The following ZNF678 variants were observed in gnomAD, a reference collection of about 807,000 sequenced individuals.
The protein encoded by ZNF678 is zinc finger protein 678.
A neutral mutation model predicts 3.0 loss-of-function variants in ZNF678; 5 were observed. That is an observed-to-expected ratio of 1.69 (90% confidence interval 0.88 to 3.56). ZNF678 has a LOEUF of 3.56. Among genes scored for constraint, ZNF678 ranks in the 30% most tolerant of loss-of-function variants. ZNF678 has a pLI of 0.00. For synonymous variants in ZNF678, 218 were observed against 199.6 expected (o/e 1.09, Z -0.78); for missense variants, 593 against 605.0 (o/e 0.98, Z 0.21).
chr1:227,608,390 C>A (rs1251461606), intron 1 of ZNF678, among the ~76,000 whole-genome samples: 1 of 151,852 alleles, frequency 6.6e-6, no homozygotes, highest in African/African-American at 2.4e-5. Flanking sequence ...GGGTCATATT[C>A]AGTAAAGTAG....
Position 227,613,805 on chromosome 1 carries a change from G to C in ZNF678, c.-163-32739G>C, listed in dbSNP as rs149921186. Among the ~76,000 whole-genome samples, 929 of 152,252 alleles carry C rather than the reference G, an allele frequency of 6.1e-3. 8 individuals carry two copies. The highest frequency in any genetic ancestry group is 0.012 in the South Asian group (58 of 4,828). Reference sequence around the variant, plus strand: ...GTTGGAGTCCTCTACTGTGTGTCCTGTGTGTTTACTGTGTACCTTGCCTGC... The same window carrying C: ...GTTGGAGTCCTCTACTGTGTGTCCTCTGTGTTTACTGTGTACCTTGCCTGC... On this transcript the variant is annotated intron_variant, in intron 1 of 3. Transcript: ENST00000343776.
chr1:227,674,885 G>A (rs150948982), intron 5 of ZNF678, among the ~76,000 whole-genome samples: 7 of 152,036 alleles, frequency 4.6e-5, no homozygotes, highest in Admixed American at 2.0e-4. Context: ...GCCACTGCAC[G>A]CAGCCTATTT....
intron 1 of ZNF678, among the ~76,000 whole-genome samples, chr1:227,568,753 T>C (rs1014255462): frequency 6.6e-6 from 1 of 152,058 alleles, no homozygotes; most frequent in Admixed American, 6.6e-5. Context: ...GCCTTTGAAG[T>C]GTGGGCAGTG....
intron 1 of ZNF678, among the ~76,000 whole-genome samples, chr1:227,604,032 A>G (rs528079453): frequency 6.6e-6 from 1 of 152,332 alleles, no homozygotes; most frequent in South Asian, 2.1e-4. Flanking sequence ...TGATGGCCAA[A>G]TAGGATTCCA....
chr1:227,656,459 CAAAT>C lies in ZNF678; in HGVS notation c.*634_*637del, dbSNP rs1412990165. On this transcript the variant is annotated 3_prime_UTR_variant, in exon 4 of 4. Transcript: ENST00000343776. The stretch of plus-strand genomic sequence containing the variant: ...TTTAATATTGATATAATTCATATCT[CAAAT>C]AACTTGATTTTTATTATATTTATTG... 6.6e-6 allele frequency: 1 copy of C among 151,544 alleles called. No individual in the cohort carries two copies. Among genetic ancestry groups the C allele is most frequent in the Non-Finnish European group, 1.5e-5 (1 of 67,730 alleles). 9.4% of individuals were successfully genotyped at this position (151,544 alleles called of 1,614,324 possible). A position where few individuals can be genotyped will look rare whatever the true frequency, so the allele number is the denominator to read the frequency against.
rs142439512 is a variant in ZNF678, at chr1:227,655,553, T to G, written c.1303T>G (p.Cys435Gly). The G allele has an allele frequency of 3.8e-4, 617 of 1,612,582 alleles. 3 individuals are homozygous for G. In the African/African-American group the frequency reaches 7.3e-3, roughly 19 times the overall value. ...TCATACTGGAGAGAAACCCTACAAA[T>G]GTAAAGAATGTGGCAAAGCTTTTTA... ...RIHTGEKPYK[C>G]KECGKAFYQS... Residue 435 changes from cysteine to glycine, a missense_variant, in exon 4 of 4, where the codon TGT becomes GGT. Transcript: ENST00000343776.
At chr1:227,630,939 A>G (rs149086807) in intron 1 of ZNF678, among the ~76,000 whole-genome samples, 1 of 152,302 alleles carries the variant, frequency 6.6e-6, no homozygotes, top group East Asian at 1.9e-4. Context: ...GCCCTCTTCT[A>G]CAAAAGAGGT....
chr1:227,574,827 A>T (rs917144409), intron 1 of ZNF678, among the ~76,000 whole-genome samples: 1 of 152,050 alleles, frequency 6.6e-6, no homozygotes, highest in Non-Finnish European at 1.5e-5. Context: ...ATCTTAAGTT[A>T]ATTTTTGTGC....
At position 227,646,540 on chromosome 1, in the gene ZNF678, C is replaced by G. The variant is rs764669344; in HGVS notation, c.-163-4C>G. On this transcript the variant is annotated splice_region_variant and splice_polypyrimidine_tract_variant and intron_variant, in intron 1 of 3. Coordinates refer to ENST00000343776, the MANE Select transcript of ZNF678 (RefSeq NM_001367909.1). ...AAATACGTGTGTATTTTTCCCCCCC[C>G]CAGGGACTACTGGCATTCAGTGATG... 3.0e-5 allele frequency: 41 copies of G among 1,370,376 alleles called. No individual in the cohort carries two copies. The highest frequency in any genetic ancestry group is 4.5e-5 in the East Asian group (1 of 22,068). 84.9% of individuals were successfully genotyped at this position (1,370,376 alleles called of 1,614,324 possible). A position where few individuals can be genotyped will look rare whatever the true frequency, so the allele number is the denominator to read the frequency against.
At chr1:227,635,017 C>T (rs1418307372) in intron 1 of ZNF678, among the ~76,000 whole-genome samples, 1 of 151,352 alleles carries the variant, frequency 6.6e-6, no homozygotes, top group East Asian at 1.9e-4. Context: ...GCAGCTCAGC[C>T]CAGAGGCAGA....
At chr1:227,580,349 T>C (rs968564645) in intron 1 of ZNF678, among the ~76,000 whole-genome samples, 3 of 152,112 alleles carry the variant, frequency 2.0e-5, no homozygotes, top group African/African-American at 7.2e-5. Context: ...AAAGCAAAAT[T>C]GACTTTCATT....
chr1:227,565,514 G>C (rs1164438571), intron 1 of ZNF678, among the ~76,000 whole-genome samples: 1 of 147,160 alleles, frequency 6.8e-6, no homozygotes, highest in African/African-American at 2.5e-5. Flanking sequence ...GTGCTGCCAT[G>C]CCCAGCTAAT....
intron 1 of ZNF678, among the ~76,000 whole-genome samples, chr1:227,623,824 CAT>C (rs1658342537): frequency 6.6e-6 from 1 of 152,114 alleles, no homozygotes; most frequent in Non-Finnish European, 1.5e-5. Context: ...TGGAAATGAA[CAT>C]AGTCTTACTG....
At chr1:227,599,465 T>G (rs1657679071) in intron 1 of ZNF678, among the ~76,000 whole-genome samples, 1 of 152,238 alleles carries the variant, frequency 6.6e-6, no homozygotes, top group Non-Finnish European at 1.5e-5. Context: ...GCAACAGATA[T>G]CTAAATTCAG....
At chr1:227,614,194 T>C (rs1052089871) in intron 1 of ZNF678, among the ~76,000 whole-genome samples, 4 of 152,220 alleles carry the variant, frequency 2.6e-5, no homozygotes, top group African/African-American at 9.6e-5. Flanking sequence ...CACACTTGAT[T>C]GATTTTTACT....
In ZNF678 at chr1:227,654,375, A is replaced by C. The variant is rs1659160771; in HGVS notation, c.125A>C (p.Gln42Pro). 1 of 1,589,214 alleles carries C rather than the reference A, an allele frequency of 6.3e-7. No individual in the cohort carries two copies. The highest frequency in any genetic ancestry group is 2.2e-5 in the East Asian group (1 of 44,656). The change falls in exon 4 of 4, where the codon CAG becomes CCG. Residue 42 changes from glutamine (Q) to proline (P), a missense_variant. Coordinates refer to ENST00000343776, the MANE Select transcript of ZNF678 (RefSeq NM_001367909.1). ...SYSIQDLLPE[Q>P]DMKDLCQKVT... ...TCCATTCAAGACCTTTTGCCAGAGC[A>C]GGATATGAAAGATTTATGCCAAAAA...
intron 1 of ZNF678, among the ~76,000 whole-genome samples, chr1:227,567,674 GTTAC>G (rs1359702321): frequency 6.6e-6 from 1 of 150,982 alleles, no homozygotes; most frequent in African/African-American, 2.4e-5. Flanking sequence ...TACATAAAAA[GTTAC>G]TTAATTCTTT....
At chr1:227,564,193 T>G (rs1656610733) in intron 1 of ZNF678, among the ~76,000 whole-genome samples, 1 of 152,186 alleles carries the variant, frequency 6.6e-6, no homozygotes, top group Non-Finnish European at 1.5e-5. Context: ...AAAAACTTTT[T>G]TGTAAGGTGC....
At chr1:227,570,539 G>T (rs1656812259) in intron 1 of ZNF678, among the ~76,000 whole-genome samples, 1 of 152,136 alleles carries the variant, frequency 6.6e-6, no homozygotes, top group Non-Finnish European at 1.5e-5. Context: ...TCACTATACT[G>T]TCCAGGCTGT....
Sources: allele counts gnomAD v4.1 joint callset (sites outside exome capture counted in the v4.1 genomes callset), GRCh38; gene constraint gnomAD v4.1.1; transcripts MANE v1.5; gene names NCBI Gene and HGNC (gene_info 2026-07-23, HGNC 2026-07-21).